Variants in SULT2B1 observed in about 807,000 individuals in gnomAD.
SULT2B1 encodes the protein sulfotransferase 2B1.
In SULT2B1, 16 loss-of-function variants were observed where a neutral mutation model predicts 33.2. The ratio of observed to expected loss-of-function variants is 0.48; its 90% confidence interval spans 0.33 to 0.73. The LOEUF (loss-of-function observed/expected upper bound fraction) is 0.73, where lower values mean the gene tolerates loss of function less well. Ranked by LOEUF, SULT2B1 falls within the 30% of genes least tolerant of loss-of-function variation. The pLI, the probability that SULT2B1 is intolerant of heterozygous loss-of-function variation, is 0.02. For missense variants in SULT2B1, 500 were observed against 506.0 expected (o/e 0.99, Z 0.11); for synonymous variants, 186 against 200.5 (o/e 0.93, Z 0.61).
At chr19:48,564,551 C>CAAAAAAA (rs770217698) in intron 1 of SULT2B1, among the ~76,000 whole-genome samples, 2 of 57,644 alleles carry the variant, frequency 3.5e-5, no homozygotes, top group East Asian at 5.7e-4. Context: ...GACTCCGTCT[C>CAAAAAAA]AAAAAAAAAA....
chr19:48,576,044 C>T lies in SULT2B1; in HGVS notation c.175C>T (p.Arg59Trp), dbSNP rs371112055. The T allele has an allele frequency of 6.2e-6, 10 of 1,613,312 alleles. No homozygotes were observed. Among genetic ancestry groups the T allele is most frequent in the African/African-American group, 1.3e-5 (1 of 74,966 alleles). ...ISLAENTQDV[R>W]DDDIFIITYP... is the part of the protein sequence containing the mutation. ...CTTGGCGGAGAACACCCAAGATGTG[C>T]GGGACGACGACATCTTTATCATCAC... Residue 59 changes from arginine to tryptophan, a missense_variant, in exon 2 of 7, where the codon CGG becomes TGG. Coordinates refer to ENST00000201586, the MANE Select transcript of SULT2B1 (RefSeq NM_177973.2).
intron 5 of SULT2B1, 27 bp from the exon 6 acceptor site, chr19:48,596,712 C>G: frequency 6.4e-7 from 1 of 1,571,474 alleles, no homozygotes; most frequent in Non-Finnish European, 8.6e-7. Context: ...TGCCCTCCCT[C>G]CGCTGACCCC....
At chr19:48,588,771 G>A (rs1300061360) in intron 3 of SULT2B1, among the ~76,000 whole-genome samples, 3 of 151,944 alleles carry the variant, frequency 2.0e-5, no homozygotes, top group African/African-American at 4.8e-5. Context: ...GGAGGTGATG[G>A]TGGGAGCCAC....
chr19:48,558,679 C>CTTTTTTTTTTTTTTTTTTTTT (rs869189397), intron 1 of SULT2B1, among the ~76,000 whole-genome samples: 7 of 106,178 alleles, frequency 6.6e-5, no homozygotes, highest in African/African-American at 2.9e-4. Context: ...CTTTTCTTTT[C>CTTTTTTTTTTTTTTTTTTTTT]TTTTTTTTTT....
chr19:48,579,443 C>T (rs942868563), intron 2 of SULT2B1, among the ~76,000 whole-genome samples: 6 of 151,414 alleles, frequency 4.0e-5, no homozygotes, highest in Non-Finnish European at 7.4e-5. Context: ...CCACCATACC[C>T]AGCTAATTTT....
intron 1 of SULT2B1, among the ~76,000 whole-genome samples, chr19:48,567,969 T>C (rs559740165): frequency 2.3e-4 from 34 of 150,382 alleles, no homozygotes; most frequent in South Asian, 1.9e-3. Flanking sequence ...AGCAAGGCCC[T>C]GTATCCAAAA....
At chr19:48,596,486 GC>G in intron 5 of SULT2B1, 1 of 401,344 alleles carries the variant, frequency 2.5e-6, no homozygotes, top group Non-Finnish European at 4.3e-6. Flanking sequence ...TGTGACCTCT[GC>G]CCCCTGCTGT....
At chr19:48,581,454 TATC>T (rs1456545897) in intron 2 of SULT2B1, among the ~76,000 whole-genome samples, 1 of 149,130 alleles carries the variant, frequency 6.7e-6, no homozygotes, top group African/African-American at 2.5e-5. Context: ...ATTGTTTTCT[TATC>T]ATTGAGATTT....
At position 48,599,102 on chromosome 19, in the gene SULT2B1, G is replaced by A. The variant is rs374034603; in HGVS notation, c.827-33G>A. On this transcript the variant is annotated intron_variant, in intron 6 of 6. Transcript: ENST00000201586. This position sits in a 1 kb window ranked among gnomAD's most constrained non-coding sequence, Gnocchi z 4.1. ...GGTAGGGGCGCAGTGCTCCCCAGAG[G>A]CTCCTCACCCCCTGGTGCCCCCTCT... 4.5e-6 allele frequency: 7 copies of A among 1,547,904 alleles called. No individual in the cohort carries two copies. The highest frequency in any genetic ancestry group is 6.1e-6 in the Non-Finnish European group (7 of 1,151,254).
intron 2 of SULT2B1, among the ~76,000 whole-genome samples, chr19:48,579,628 C>T (rs1268932153): frequency 7.9e-5 from 2 of 25,174 alleles, no homozygotes; most frequent in African/African-American, 1.2e-4. Flanking sequence ...TTTTTTGAGA[C>T]GAAGTCTCGC....
At chr19:48,572,385 C>T (rs1367744225) in intron 1 of SULT2B1, among the ~76,000 whole-genome samples, 2 of 152,088 alleles carry the variant, frequency 1.3e-5, no homozygotes, top group Non-Finnish European at 2.9e-5. Flanking sequence ...TGGTGGCATG[C>T]ACCTGTAGTG....
chr19:48,587,574 C>T, intron 3 of SULT2B1, 137 bp downstream of exon 3: 2 of 981,926 alleles, frequency 2.0e-6, no homozygotes, highest in Non-Finnish European at 1.5e-6. Flanking sequence ...TGATCTAGCA[C>T]AGTGGTCAAT....
chr19:48,584,911 C>T (rs73053552), intron 2 of SULT2B1, among the ~76,000 whole-genome samples: 26,731 of 151,756 alleles, frequency 0.18, 2,755 homozygotes, highest in East Asian at 0.53. Context: ...ACTAGCCAGG[C>T]GTGGTGGCAC....
At chr19:48,577,928 G>A (rs563836220) in intron 2 of SULT2B1, among the ~76,000 whole-genome samples, 1 of 152,232 alleles carries the variant, frequency 6.6e-6, no homozygotes, top group East Asian at 1.9e-4. Flanking sequence ...AAGAAAAGTA[G>A]AGGGTAGGCG....
At chr19:48,571,090 T>C (rs555945557) in intron 1 of SULT2B1, among the ~76,000 whole-genome samples, 1 of 152,142 alleles carries the variant, frequency 6.6e-6, no homozygotes, top group Admixed American at 6.6e-5. Context: ...GGTGAGATCA[T>C]AGCTCCCTGT....
chr19:48,577,352 CTTTTTTTTTTTTTTTT>C (rs1209521675), intron 2 of SULT2B1, among the ~76,000 whole-genome samples: 1 of 30,648 alleles, frequency 3.3e-5, no homozygotes, highest in African/African-American at 1.3e-4. Context: ...ACTGAGCCGT[CTTTTTTTTTTTTTTTT>C]TTTTTTTTTT....
intron 1 of SULT2B1, among the ~76,000 whole-genome samples, chr19:48,559,945 C>A (rs1973153269): frequency 6.7e-6 from 1 of 149,494 alleles, no homozygotes. Flanking sequence ...ACATAGCAAA[C>A]CCTCATCTCT....
At chr19:48,597,026 T>C (rs534674352) in intron 6 of SULT2B1, 107 bp downstream of exon 6, 10 of 1,232,266 alleles carry the variant, frequency 8.1e-6, no homozygotes, top group Admixed American at 2.4e-5. Flanking sequence ...AGCTGTAACA[T>C]TGGGTGAACA....
intron 1 of SULT2B1, among the ~76,000 whole-genome samples, chr19:48,570,535 C>T (rs1290327260): frequency 1.3e-5 from 2 of 151,996 alleles, no homozygotes; most frequent in Non-Finnish European, 2.9e-5. Context: ...TGTTTATCCA[C>T]TTACCCATGC....
Sources: allele counts gnomAD v4.1 joint callset (sites outside exome capture counted in the v4.1 genomes callset), GRCh38; gene constraint gnomAD v4.1.1; non-coding constraint Gnocchi (gnomAD v3.1); transcripts MANE v1.5; gene names NCBI Gene and HGNC (gene_info 2026-07-23, HGNC 2026-07-21).